The following SRGAP1 variants were observed in gnomAD, a reference collection of about 807,000 sequenced individuals.
SRGAP1 encodes the protein SLIT-ROBO Rho GTPase-activating protein 1.
Under a neutral mutation model 121.9 loss-of-function variants are expected in SRGAP1, and 43 were observed. That is an observed-to-expected ratio of 0.35 (90% CI 0.28 to 0.46). The LOEUF (loss-of-function observed/expected upper bound fraction) is 0.46. SRGAP1 is among the 20% of genes least tolerant of loss of function. SRGAP1 has a pLI of 1.00. For missense variants in SRGAP1, 1,102 were observed against 1,350.9 expected (o/e 0.82, Z 2.89); for synonymous variants, 447 against 485.4 (o/e 0.92, Z 1.04).
intron 1 of SRGAP1, among the ~76,000 whole-genome samples, chr12:63,925,144 C>T (rs1156615508): frequency 6.6e-6 from 1 of 152,132 alleles, no homozygotes; most frequent in Non-Finnish European, 1.5e-5. Flanking sequence ...GTAGCAGAGC[C>T]TCCTTATGAA....
chr12:63,903,628 C>A (rs1171813696), intron 1 of SRGAP1, among the ~76,000 whole-genome samples: 1 of 148,272 alleles, frequency 6.7e-6, no homozygotes, highest in Non-Finnish European at 1.5e-5. Context: ...ATGGCGCAGT[C>A]TTTGTTCACC....
At chr12:63,855,473 G>GTTTTTTTTTTTTTTTTTTTTTTTTT (rs781701925) in intron 1 of SRGAP1, among the ~76,000 whole-genome samples, 1 of 52,898 alleles carries the variant, frequency 1.9e-5, no homozygotes, top group Non-Finnish European at 3.3e-5. Flanking sequence ...GAAAAATGGT[G>GTTTTTTTTTTTTTTTTTTTTTTTTT]TTTTTTTTTT....
intron 21 of SRGAP1, among the ~76,000 whole-genome samples, chr12:64,133,783 C>T (rs1284349630): frequency 6.6e-6 from 1 of 152,142 alleles, no homozygotes; most frequent in East Asian, 1.9e-4. Context: ...TTTTGTCCAT[C>T]CAACCTAGAA....
intron 1 of SRGAP1, among the ~76,000 whole-genome samples, chr12:63,920,194 T>C (rs959504488): frequency 6.6e-6 from 1 of 152,210 alleles, no homozygotes; most frequent in Non-Finnish European, 1.5e-5. Context: ...TTTTTGCCAG[T>C]CTGGTGGGTA....
chr12:64,007,833 G>A (rs1258945621), intron 3 of SRGAP1, among the ~76,000 whole-genome samples: 1 of 152,086 alleles, frequency 6.6e-6, no homozygotes, highest in African/African-American at 2.4e-5. Flanking sequence ...CTCTGGAAGG[G>A]ACTTTATCTT....
intron 1 of SRGAP1, among the ~76,000 whole-genome samples, chr12:63,938,114 A>G (rs2031731082): frequency 6.6e-6 from 1 of 152,264 alleles, no homozygotes; most frequent in African/African-American, 2.4e-5. Context: ...AAAGCTGGTC[A>G]TGTGGCCAGA....
intron 1 of SRGAP1, among the ~76,000 whole-genome samples, chr12:63,930,635 T>A (rs1336973181): frequency 1.3e-5 from 2 of 152,122 alleles, no homozygotes; most frequent in African/African-American, 4.8e-5. Context: ...TAGAAATAGG[T>A]TACATCAATT....
At chr12:64,026,167 G>GA (rs924225216) in intron 4 of SRGAP1, among the ~76,000 whole-genome samples, 12 of 151,004 alleles carry the variant, frequency 7.9e-5, no homozygotes, top group Non-Finnish European at 1.0e-4. Context: ...ATAGTTTAGT[G>GA]AAAAAAAAAT....
In SRGAP1 at chr12:64,047,394, A is replaced by G. The variant is rs368625374; in HGVS notation, c.801+3819A>G. ...GTGAAAAAGAAACAGGTAGATTATT[A>G]TGCAGAGGTATCTAGAATTCTTCAT... is the stretch of plus-strand genomic sequence containing the variant. On this transcript the variant is annotated intron_variant, in intron 6 of 21. Transcript: ENST00000355086. Among the ~76,000 whole-genome samples the G allele has an allele frequency of 5.9e-5, 9 of 152,316 alleles. No homozygotes were observed. In the East Asian group the frequency reaches 1.3e-3, roughly 23 times the overall value.
chr12:63,985,337 G>A (rs979809591), intron 2 of SRGAP1, among the ~76,000 whole-genome samples: 8 of 152,332 alleles, frequency 5.3e-5, no homozygotes, highest in African/African-American at 1.9e-4. Flanking sequence ...AAGTAGTCCA[G>A]TGGGAGTGAG....
chr12:63,897,298 A>G (rs997976334), intron 1 of SRGAP1, among the ~76,000 whole-genome samples: 7 of 152,230 alleles, frequency 4.6e-5, no homozygotes, highest in African/African-American at 1.7e-4. Flanking sequence ...TTGTTTGGAA[A>G]TTAGCTTAAT....
intron 1 of SRGAP1, among the ~76,000 whole-genome samples, chr12:63,898,673 A>C (rs886242856): frequency 1.3e-5 from 2 of 152,250 alleles, no homozygotes; most frequent in Admixed American, 6.5e-5. Flanking sequence ...TGATAGTATT[A>C]ATCAAGACTC....
chr12:64,104,914 A>T lies in SRGAP1; in HGVS notation c.1814-4018A>T, dbSNP rs541193975. Among the ~76,000 whole-genome samples, 487 of 127,082 alleles carry T rather than the reference A, an allele frequency of 3.8e-3. 1 individual carries two copies. Among genetic ancestry groups the T allele is most frequent in the African/African-American group, 0.017 (381 of 22,834 alleles). 83.4% of individuals were successfully genotyped at this position (127,082 alleles called of 152,430 possible). A position where few individuals can be genotyped will look rare whatever the true frequency, so the allele number is the denominator to read the frequency against. On this transcript the variant is annotated intron_variant, in intron 15 of 21. Transcript: ENST00000355086. ...TGTGGTAAAAATATATATATATATA[A>T]AAAATATAAAATTTACCATGTTAAC...
intron 1 of SRGAP1, among the ~76,000 whole-genome samples, chr12:63,926,154 G>C (rs2031252542): frequency 6.6e-6 from 1 of 152,102 alleles, no homozygotes; most frequent in South Asian, 2.1e-4. Context: ...TAAGCACTCT[G>C]ATTCTTTCTT....
At chr12:63,964,670 G>T (rs1212566534) in intron 1 of SRGAP1, among the ~76,000 whole-genome samples, 2 of 152,156 alleles carry the variant, frequency 1.3e-5, no homozygotes, top group Non-Finnish European at 2.9e-5. Flanking sequence ...CAGCTCACTA[G>T]TGGTTACTTG....
intron 10 of SRGAP1, among the ~76,000 whole-genome samples, chr12:64,083,283 T>C (rs1368498285): frequency 1.3e-5 from 2 of 152,174 alleles, no homozygotes; most frequent in Admixed American, 6.5e-5. Context: ...CTCTCTGAAG[T>C]ATACTAGACT....
chr12:64,105,725 A>C (rs551577839), intron 15 of SRGAP1, among the ~76,000 whole-genome samples: 194 of 152,300 alleles, frequency 1.3e-3, no homozygotes, highest in Admixed American at 3.8e-3. Flanking sequence ...CAGAGGTTGC[A>C]GTTAGCTGAC....
intron 6 of SRGAP1, among the ~76,000 whole-genome samples, chr12:64,059,088 C>T (rs892704294): frequency 1.3e-5 from 2 of 152,046 alleles, no homozygotes; most frequent in East Asian, 3.9e-4. Flanking sequence ...TGGGGAGGCT[C>T]CTCTATCAGT....
chr12:64,030,575 T>C (rs1477373573), intron 4 of SRGAP1, among the ~76,000 whole-genome samples: 1 of 152,248 alleles, frequency 6.6e-6, no homozygotes, highest in Non-Finnish European at 1.5e-5. Context: ...TTAAAAATCA[T>C]GGTTAAATTT....
Sources: gnomAD v4.1 joint callset for allele counts (sites outside exome capture counted in the v4.1 genomes callset) on GRCh38, gnomAD v4.1.1 for gene constraint, MANE v1.5 for transcripts, NCBI Gene and HGNC (gene_info 2026-07-23, HGNC 2026-07-21) for gene names.